Variants in SPEN observed in about 807,000 individuals in gnomAD.
SPEN encodes spen family transcriptional repressor.
Under a neutral mutation model 269.9 loss-of-function variants are expected in SPEN, and 18 were observed. The ratio of observed to expected loss-of-function variants is 0.07; its 90% CI spans 0.05 to 0.10. SPEN has a LOEUF of 0.10. SPEN is among the 10% of genes least tolerant of loss of function. SPEN has a pLI of 1.00. For missense variants in SPEN, 3,822 were observed against 4,631.2 expected, an observed-to-expected ratio of 0.83 and a Z score of 5.07; for synonymous variants, 1,726 against 1,765.7, an observed-to-expected ratio of 0.98 and a Z score of 0.56.
At chr1:15,881,367 T>G (rs16852063) in intron 3 of SPEN, among the ~76,000 whole-genome samples, 9,474 of 152,258 alleles carry the variant, frequency 0.062, 352 homozygotes, top group South Asian at 0.16. Flanking sequence ...TGGTGACTTA[T>G]CCATAATCTC....
In SPEN at chr1:15,940,280, G is replaced by A. The variant is rs560045992; in HGVS notation, c.*853G>A. On this transcript the variant is annotated 3_prime_UTR_variant, in exon 15 of 15. Transcript: ENST00000375759. The stretch of plus-strand genomic sequence containing the variant: ...GGTACAGCACGGGTCCTGCTCCCGC[G>A]ATGTGGAAGTGTCACACGGCACCTG... 6.9e-5 allele frequency: 16 copies of A among 233,054 alleles called. No individual in the cohort carries two copies. Among genetic ancestry groups the A allele is most frequent in the South Asian group, 5.4e-4 (3 of 5,520 alleles). 14.4% of individuals were successfully genotyped at this position (233,054 alleles called of 1,614,324 possible).
At chr1:15,926,439 C>G (rs1406969539) in intron 10 of SPEN, among the ~76,000 whole-genome samples, 1 of 151,426 alleles carries the variant, frequency 6.6e-6, no homozygotes, top group Non-Finnish European at 1.5e-5. Flanking sequence ...ACAAAATATA[C>G]ATATTTATAA....
rs2071201744 is a variant in SPEN at position 15,929,614 on chromosome 1, A to C, written c.3374A>C (p.Glu1125Ala). ...CAGGTATTAGATGATCAAGGACCAG[A>C]GAGAGAAGACGTTAGGAAAAACTAT... ...QLQVLDDQGP[E>A]REDVRKNYCS... The change falls in exon 11 of 15, where the codon GAG becomes GCG. Residue 1125 changes from glutamate to alanine, a missense_variant. Physicochemically the swap from Glu to Ala is moderately radical, Grantham distance 107. Around this residue, in one of 16 missense-constraint regions of SPEN, gnomAD observed 572 missense variants for 582.6 expected, o/e 0.98. Coordinates refer to ENST00000375759, the MANE Select transcript of SPEN (RefSeq NM_015001.3). The surrounding 1 kb of genome is among the most constrained non-coding windows in gnomAD (Gnocchi z 5.8). The C allele has an allele frequency of 1.2e-6, 2 of 1,614,052 alleles. No homozygotes were observed. The highest frequency in any genetic ancestry group is 8.5e-7 in the Non-Finnish European group (1 of 1,180,026).
Position 15,876,250 on chromosome 1 carries a change from C to G in SPEN, c.453C>G (p.His151Gln). The G allele has an allele frequency of 1.2e-6, 2 of 1,614,042 alleles. No individual in the cohort carries two copies. The highest frequency in any genetic ancestry group is 1.7e-6 in the Non-Finnish European group (2 of 1,180,024). The change falls in exon 3 of 15, where the codon CAC (histidine) becomes CAG (glutamine). Residue 151 changes from histidine (H) to glutamine (Q), a missense_variant. Physicochemically the swap from His to Gln is conservative, Grantham distance 24 (BLOSUM62 0). Transcript: ENST00000375759. ...CTTATGAACATAGTGCCTATGGACACCATGAACGGGGGACGGGAGGATTTG... is the reference window on the plus strand; with the variant it reads ...CTTATGAACATAGTGCCTATGGACAGCATGAACGGGGGACGGGAGGATTTG... ...ERAYEHSAYGHHERGTGGFDR... is the reference protein window; with the variant it reads ...ERAYEHSAYGQHERGTGGFDR...
At chr1:15,897,394 C>T (rs538572082) in intron 3 of SPEN, among the ~76,000 whole-genome samples, 1 of 149,234 alleles carries the variant, frequency 6.7e-6, no homozygotes, top group African/African-American at 2.5e-5. Context: ...CGGAGTTTCG[C>T]TCTTGTTGCC....
rs184538634 is a variant in SPEN at position 15,888,702 on chromosome 1, G to A, written c.881+12024G>A. On this transcript the variant is annotated intron_variant, in intron 3 of 14. Transcript: ENST00000375759. ...GGCTGGAGTACAATGGCGCGATCTCGGCTCACCGCGACCTCCACCTTCTGG... is the reference window on the plus strand; with the variant it reads ...GGCTGGAGTACAATGGCGCGATCTCAGCTCACCGCGACCTCCACCTTCTGG... Among the ~76,000 whole-genome samples the A allele has an allele frequency of 2.1e-3, 317 of 150,348 alleles. 2 individuals are homozygous for A. Among genetic ancestry groups the A allele is most frequent in the Middle Eastern group, 3.4e-3 (1 of 294 alleles).
rs568065598 is a variant in SPEN at position 15,933,034 on chromosome 1, C to T, written c.6794C>T (p.Thr2265Ile). ...ALQPSEEGME[T>I]DEAVSGILET... is the part of the protein sequence containing the mutation. ...CAGCCTTCTGAGGAAGGAATGGAGA[C>T]AGATGAGGCTGTATCTGGCATCCTG... is the stretch of plus-strand genomic sequence containing the variant. The change falls in exon 11 of 15, where the codon ACA becomes ATA. Residue 2265 changes from threonine (T) to isoleucine (I), a missense_variant. Physicochemically the swap from Thr to Ile is moderately conservative, Grantham distance 89. This residue lies in a region of SPEN where 727 missense variants were observed against 737.9 expected (regional missense o/e 0.99). Transcript: ENST00000375759. The surrounding 1 kb of genome is among the most constrained non-coding windows in gnomAD (Gnocchi z 5.7). 2 of 1,614,122 alleles carry T rather than the reference C, an allele frequency of 1.2e-6. No homozygotes were observed. The highest frequency in any genetic ancestry group is 1.3e-5 in the African/African-American group (1 of 75,048).
intron 5 of SPEN, among the ~76,000 whole-genome samples, chr1:15,914,151 G>A (rs571696183): frequency 3.9e-5 from 6 of 152,300 alleles, no homozygotes; most frequent in African/African-American, 2.4e-5. Context: ...TGAGTTTCAT[G>A]TGAAAGTACA....
chr1:15,933,703 G>A lies in SPEN; in HGVS notation c.7463G>A (p.Gly2488Glu). 2 of 1,614,058 alleles carry A rather than the reference G, an allele frequency of 1.2e-6. No homozygotes were observed. The highest frequency in any genetic ancestry group is 1.7e-6 in the Non-Finnish European group (2 of 1,179,994). ...CTCTCACCTCCTGTCGCCTCTGGGGGGATCCCACACCAGAGCCCCCCTACT... is the reference window on the plus strand; with the variant it reads ...CTCTCACCTCCTGTCGCCTCTGGGGAGATCCCACACCAGAGCCCCCCTACT... ...AKLSPPVASGGIPHQSPPTKV... is the reference protein window; with the variant it reads ...AKLSPPVASGEIPHQSPPTKV... The change falls in exon 11 of 15, where the codon GGG (glycine) becomes GAG (glutamate). Residue 2488 changes from glycine to glutamate, a missense_variant. Gly to Glu is a moderately conservative substitution (Grantham distance 98, BLOSUM62 -2). Transcript: ENST00000375759. The surrounding 1 kb of genome is among the most constrained non-coding windows in gnomAD (Gnocchi z 5.7).
Position 15,909,399 on chromosome 1 carries a change from C to G in SPEN, c.960C>G (p.Ser320=), listed in dbSNP as rs373002389. 6.2e-7 allele frequency: 1 copy of G among 1,614,180 alleles called. No homozygotes were observed. Among genetic ancestry groups the G allele is most frequent in the South Asian group, 1.1e-5 (1 of 91,080 alleles). ...CTGCAGCAGTCCCTGCACCCACTTC[C>G]CAGTTGCTTTCATCTCTGGAAAAAG... ...VQSAAVPAPT[S]QLLSSLEKDE... Residue 320 remains serine (S), a synonymous_variant, in exon 4 of 15, where the codon TCC becomes TCG. Transcript: ENST00000375759.
chr1:15,887,352 C>G (rs1311437430), intron 3 of SPEN, among the ~76,000 whole-genome samples: 2 of 141,698 alleles, frequency 1.4e-5, no homozygotes, highest in African/African-American at 5.4e-5. Context: ...ACGATCTCAG[C>G]TCACTGCAAG....
At chr1:15,880,980 G>T (rs895753154) in intron 3 of SPEN, among the ~76,000 whole-genome samples, 1 of 151,960 alleles carries the variant, frequency 6.6e-6, no homozygotes, top group South Asian at 2.1e-4. Context: ...ATTTAACTGT[G>T]GTAATGATTT....
In SPEN at chr1:15,935,597, T is replaced by C; in HGVS notation, c.9357T>C (p.Ser3119=). 5.0e-6 allele frequency: 8 copies of C among 1,613,782 alleles called. No homozygotes were observed. The highest frequency in any genetic ancestry group is 6.8e-6 in the Non-Finnish European group (8 of 1,179,982). ...TYSIRPEALH[S]PRAPLQPQQI... ...GCATCCGGCCAGAAGCGCTTCACTC[T>C]CCTCGGGCTCCGCTGCAGCCCCAGC... Residue 3119 remains serine, a synonymous_variant, in exon 11 of 15, where the codon TCT becomes TCC. Transcript: ENST00000375759. This position sits in a 1 kb window ranked among gnomAD's most constrained non-coding sequence, Gnocchi z 7.7.
chr1:15,868,357 A>G (rs2070538206), intron 1 of SPEN, among the ~76,000 whole-genome samples: 1 of 151,776 alleles, frequency 6.6e-6, no homozygotes, highest in African/African-American at 2.4e-5. Flanking sequence ...GGAGTTCCCT[A>G]TCAGAGATAT....
intron 10 of SPEN, 140 bp from the exon 11 acceptor site, chr1:15,927,951 C>A: frequency 1.2e-6 from 1 of 801,596 alleles, no homozygotes; most frequent in Non-Finnish European, 1.9e-6. Context: ...TGGATAGCTA[C>A]TACAAACTAA....
intron 1 of SPEN, among the ~76,000 whole-genome samples, chr1:15,865,347 C>T (rs1313699358): frequency 6.6e-6 from 1 of 151,510 alleles, no homozygotes; most frequent in East Asian, 1.9e-4. Flanking sequence ...GCCACCACGC[C>T]TGGCGAGTGT....
At chr1:15,916,010 A>G in intron 5 of SPEN, 118 bp from the exon 6 acceptor site, 2 of 1,171,242 alleles carry the variant, frequency 1.7e-6, no homozygotes, top group Middle Eastern at 2.0e-4. Context: ...AGTTTATGTG[A>G]GTATTCAAGC....
At chr1:15,886,560 AGAG>A (rs1438684740) in intron 3 of SPEN, among the ~76,000 whole-genome samples, 2 of 152,160 alleles carry the variant, frequency 1.3e-5, no homozygotes, top group Admixed American at 1.3e-4. Flanking sequence ...GTGTTCCTGG[AGAG>A]GAGGATTTCA....
chr1:15,873,401 C>T lies in SPEN; in HGVS notation c.404+265C>T, dbSNP rs1183538525. The stretch of plus-strand genomic sequence containing the variant: ...ATGGAAGCTTCATTTTTGGAGTTAC[C>T]TGTCTTCTAGAATTACTTATTCCTT... On this transcript the variant is annotated intron_variant, in intron 2 of 14. Transcript: ENST00000375759. The T allele has an allele frequency of 6.0e-6, 7 of 1,172,534 alleles. No individual in the cohort carries two copies. The African/African-American group carries it at 6.2e-5, about 10-fold the overall frequency. 72.6% of individuals were successfully genotyped at this position (1,172,534 alleles called of 1,614,324 possible). A position where few individuals can be genotyped will look rare whatever the true frequency, so the allele number is the denominator to read the frequency against.
Sources: allele counts gnomAD v4.1 joint callset (sites outside exome capture counted in the v4.1 genomes callset), GRCh38; gene constraint gnomAD v4.1.1; regional missense constraint gnomAD v4.1.1; non-coding constraint Gnocchi (gnomAD v3.1); transcripts MANE v1.5; gene names NCBI Gene and HGNC (gene_info 2026-07-23, HGNC 2026-07-21).